The following ATG4C variants were observed in gnomAD, a reference collection of about 807,000 sequenced individuals.
The protein encoded by ATG4C is autophagy related 4C cysteine peptidase.
Under a neutral mutation model 57.6 loss-of-function variants are expected in ATG4C, and 56 were observed. The ratio of observed to expected loss-of-function variants is 0.97; its 90% CI spans 0.78 to 1.21. The LOEUF is 1.21. Among genes scored for constraint, ATG4C ranks in the 50% most tolerant of loss-of-function variants. The probability of loss-of-function intolerance (pLI) is 0.00; values close to 1 mark genes in which losing one functional copy is unlikely to be tolerated. For missense variants in ATG4C, 595 were observed against 529.8 expected (o/e 1.12, Z -1.21); for synonymous variants, 157 against 174.1 (o/e 0.90, Z 0.78).
At chr1:62,838,548 C>T (rs1666067471) in intron 9 of ATG4C, among the ~76,000 whole-genome samples, 1 of 152,110 alleles carries the variant, frequency 6.6e-6, no homozygotes, top group African/African-American at 2.4e-5. Context: ...GAGGCCAAGG[C>T]AGGTGGATCA....
At chr1:62,862,968 A>G (rs1029702724) in intron 10 of ATG4C, among the ~76,000 whole-genome samples, 12 of 152,060 alleles carry the variant, frequency 7.9e-5, no homozygotes, top group Admixed American at 6.5e-4. Context: ...CATTCTCTGT[A>G]AATTGCATAG....
chr1:62,826,503 T>C (rs754542345), intron 6 of ATG4C, among the ~76,000 whole-genome samples: 1 of 152,178 alleles, frequency 6.6e-6, no homozygotes, highest in African/African-American at 2.4e-5. Flanking sequence ...CCCAAAGTGC[T>C]GGGATTACAG....
At position 62,801,980 on chromosome 1, in the gene ATG4C, A is replaced by G. The variant is rs1485279275; in HGVS notation, c.-68-1739A>G. ...CTCCAAAAAAAAAAAAAAAAAAAAA[A>G]AAAAAGAAAAAAAGAAAAGAACTAC... On this transcript the variant is annotated intron_variant, in intron 1 of 10. Transcript: ENST00000317868. 8.5e-5 allele frequency among the ~76,000 whole-genome samples: 12 copies of G among 141,844 alleles called. No individual in the cohort carries two copies. The East Asian group carries it at 1.2e-3, about 14-fold the overall frequency. 93.1% of individuals were successfully genotyped at this position (141,844 alleles called of 152,430 possible).
intron 5 of ATG4C, among the ~76,000 whole-genome samples, chr1:62,819,726 A>T (rs1467048506): frequency 6.6e-6 from 1 of 151,976 alleles, no homozygotes; most frequent in Non-Finnish European, 1.5e-5. Context: ...AAATGTCAAG[A>T]GCTAAAATTG....
intron 10 of ATG4C, among the ~76,000 whole-genome samples, chr1:62,851,838 G>C (rs1666527684): frequency 6.6e-6 from 1 of 152,176 alleles, no homozygotes; most frequent in African/African-American, 2.4e-5. Flanking sequence ...TAAGATAATT[G>C]TTTATCTTAC....
At chr1:62,793,173 A>C (rs1226139922) in intron 1 of ATG4C, among the ~76,000 whole-genome samples, 1 of 151,782 alleles carries the variant, frequency 6.6e-6, no homozygotes, top group East Asian at 2.0e-4. Flanking sequence ...GGCGTGAGCC[A>C]CCGCGCCCGG....
At chr1:62,828,621 AG>A (rs749323920) in intron 6 of ATG4C, among the ~76,000 whole-genome samples, 1 of 152,162 alleles carries the variant, frequency 6.6e-6, no homozygotes, top group Non-Finnish European at 1.5e-5. Context: ...CTATTTTGAT[AG>A]TTTCTTTTGC....
At chr1:62,807,145 G>A (rs1324479932) in intron 3 of ATG4C, among the ~76,000 whole-genome samples, 1 of 152,134 alleles carries the variant, frequency 6.6e-6, no homozygotes, top group Admixed American at 6.5e-5. Flanking sequence ...CTGAATATAT[G>A]CTTGTGAAAT....
rs1666966966 is a variant in ATG4C, at chr1:62,865,225, G to A, written c.*1066G>A. The A allele has an allele frequency of 1.3e-5, 2 of 151,856 alleles. No individual in the cohort carries two copies. Among genetic ancestry groups the A allele is most frequent in the Admixed American group, 1.3e-4 (2 of 15,254 alleles). The allele number at this position is 151,856 out of a possible 1,614,324, so 9.4% of individuals were successfully genotyped here. ...CATTTGAAAAATCAGTGTCTCAAAT[G>A]AATTCTGTTCATTTATAATAAATGC... On this transcript the variant is annotated 3_prime_UTR_variant, in exon 11 of 11. Coordinates refer to ENST00000317868, the MANE Select transcript of ATG4C (RefSeq NM_032852.4).
intron 1 of ATG4C, among the ~76,000 whole-genome samples, chr1:62,799,450 T>C (rs548293861): frequency 6.6e-6 from 1 of 152,340 alleles, no homozygotes; most frequent in East Asian, 1.9e-4. Context: ...GGCATTTCAA[T>C]TGTTTCAAGT....
intron 10 of ATG4C, 61 bp from the exon 11 acceptor site, chr1:62,863,931 G>C (rs557890685): frequency 8.4e-7 from 1 of 1,186,430 alleles, no homozygotes; most frequent in Non-Finnish European, 1.2e-6. Context: ...TAGATTTGTC[G>C]TGTGGTCTTA....
At chr1:62,794,990 A>G (rs973534584) in intron 1 of ATG4C, among the ~76,000 whole-genome samples, 2 of 152,240 alleles carry the variant, frequency 1.3e-5, no homozygotes, top group Non-Finnish European at 2.9e-5. Context: ...TTCACAGTTC[A>G]TTTTATTTGA....
chr1:62,863,389 T>G (rs1666912078), intron 10 of ATG4C, among the ~76,000 whole-genome samples: 1 of 152,056 alleles, frequency 6.6e-6, no homozygotes, highest in Non-Finnish European at 1.5e-5. Flanking sequence ...TTATTGCTTT[T>G]GATCTTCTTA....
At chr1:62,834,184 C>T in intron 8 of ATG4C, 68 bp downstream of exon 8, 1 of 1,415,522 alleles carries the variant, frequency 7.1e-7, no homozygotes, top group Non-Finnish European at 9.9e-7. Context: ...AATATGAGAT[C>T]ATCTGGAAAC....
At chr1:62,823,716 T>C (rs1665559543) in intron 6 of ATG4C, among the ~76,000 whole-genome samples, 1 of 152,222 alleles carries the variant, frequency 6.6e-6, no homozygotes. Flanking sequence ...CACAGTACAC[T>C]AAAATATTTT....
chr1:62,840,976 T>TA (rs1435078185), intron 9 of ATG4C, among the ~76,000 whole-genome samples: 1 of 152,246 alleles, frequency 6.6e-6, no homozygotes, highest in African/African-American at 2.4e-5. Context: ...ATAGAACATT[T>TA]ACCTGAGTCT....
At position 62,816,601 on chromosome 1, in the gene ATG4C, T is replaced by A; in HGVS notation, c.187T>A (p.Ser63Thr). 4.3e-6 allele frequency: 7 copies of A among 1,612,302 alleles called. No individual in the cohort carries two copies. The highest frequency in any genetic ancestry group is 5.9e-6 in the Non-Finnish European group (7 of 1,179,120). ...TGAAGATAAAACGTTACCTGCAGAG[T>A]CGGGATGTACAATAGAGGATCACGT... ...EDEDKTLPAE[S>T]GCTIEDHVIA... Residue 63 changes from serine (S) to threonine (T), a missense_variant, in exon 4 of 11, where the codon TCG becomes ACG. Ser to Thr is a moderately conservative substitution (Grantham distance 58). Transcript: ENST00000317868.
chr1:62,857,057 G>A (rs1206496693), intron 10 of ATG4C, among the ~76,000 whole-genome samples: 1 of 152,100 alleles, frequency 6.6e-6, no homozygotes, highest in African/African-American at 2.4e-5. Context: ...TGATTTCCCT[G>A]CCTAGAGTGC....
intron 6 of ATG4C, among the ~76,000 whole-genome samples, chr1:62,826,157 C>T (rs1224447493): frequency 2.0e-5 from 3 of 151,884 alleles, no homozygotes; most frequent in African/African-American, 7.3e-5. Context: ...GATCCACCCA[C>T]CTTGGCCTCC....
Sources: allele counts gnomAD v4.1 joint callset (sites outside exome capture counted in the v4.1 genomes callset), GRCh38; gene constraint gnomAD v4.1.1; transcripts MANE v1.5; gene names NCBI Gene and HGNC (gene_info 2026-07-23, HGNC 2026-07-21).